RARB: variants seen among roughly 807,000 people sequenced by gnomAD.
RARB encodes HBV-activated protein.
RARB carries 17 observed loss-of-function variants against 51.9 expected under a neutral mutation model. That is an observed-to-expected ratio of 0.33 (90% confidence interval 0.22 to 0.49). The LOEUF (loss-of-function observed/expected upper bound fraction) is 0.49, where lower values mean the gene tolerates loss of function less well. RARB is among the 20% of genes least tolerant of loss of function. The pLI, the probability that RARB is intolerant of heterozygous loss-of-function variation, is 0.99. For missense variants in RARB, 369 were observed against 550.8 expected (o/e 0.67, Z 3.30); for synonymous variants, 215 against 195.4 (o/e 1.10, Z -0.84).
At chr3:25,289,088 C>A (rs922880570) in intron 5 of RARB, among the ~76,000 whole-genome samples, 2 of 152,206 alleles carry the variant, frequency 1.3e-5, no homozygotes, top group African/African-American at 4.8e-5. Context: ...AGCAGAGAAG[C>A]CTTTTCAGCT....
intron 5 of RARB, among the ~76,000 whole-genome samples, chr3:25,189,854 C>T (rs954817243): frequency 6.6e-5 from 10 of 152,096 alleles, no homozygotes; most frequent in South Asian, 4.1e-4. Context: ...TACTGCACTC[C>T]AGCCTGGATG....
intron 5 of RARB, among the ~76,000 whole-genome samples, chr3:25,316,436 A>G (rs949017357): frequency 1.3e-5 from 2 of 152,214 alleles, no homozygotes; most frequent in African/African-American, 4.8e-5. Flanking sequence ...AAGCCAAGTC[A>G]TCTAGTAGGA....
intron 2 of RARB, among the ~76,000 whole-genome samples, chr3:25,464,824 A>G (rs1695351068): frequency 6.6e-6 from 1 of 152,146 alleles, no homozygotes; most frequent in African/African-American, 2.4e-5. Context: ...ATTGTTTCAG[A>G]AAAATGGAAT....
Position 25,019,007 on chromosome 3 carries a change from A to T in RARB, c.-379-41118A>T, listed in dbSNP as rs897661044. ...ACATTTGTGATTGGCTTGAAATTAT[A>T]GCCTGTTTAAGCCATGAATAAAAAG... is the stretch of plus-strand genomic sequence containing the variant. On this transcript the variant is annotated intron_variant, in intron 2 of 11. Coordinates refer to the RARB transcript ENST00000383772. Among the ~76,000 whole-genome samples, 6 of 152,336 alleles carry T rather than the reference A, an allele frequency of 3.9e-5. No homozygotes were observed. In the East Asian group the frequency reaches 1.2e-3, roughly 29 times the overall value.
At chr3:25,009,754 C>T (rs549769787) in intron 2 of RARB, among the ~76,000 whole-genome samples, 1 of 152,164 alleles carries the variant, frequency 6.6e-6, no homozygotes, top group East Asian at 1.9e-4. Flanking sequence ...ATAAGCCTTC[C>T]AGAAGACTTA....
At chr3:24,865,162 T>G (rs1299438941) in intron 2 of RARB, among the ~76,000 whole-genome samples, 1 of 152,160 alleles carries the variant, frequency 6.6e-6, no homozygotes, top group Non-Finnish European at 1.5e-5. Flanking sequence ...AATAAAAGGT[T>G]GAGGACCACA....
chr3:25,348,942 A>G (rs1705477491), intron 5 of RARB, among the ~76,000 whole-genome samples: 1 of 152,210 alleles, frequency 6.6e-6, no homozygotes, highest in Non-Finnish European at 1.5e-5. Context: ...GAAACACTGC[A>G]GTAGAGCATC....
intron 3 of RARB, among the ~76,000 whole-genome samples, chr3:25,119,244 T>C (rs1392652189): frequency 6.6e-6 from 1 of 152,162 alleles, no homozygotes; most frequent in Non-Finnish European, 1.5e-5. Flanking sequence ...TTCTGTTCTA[T>C]GGTCATCTAC....
intron 3 of RARB, among the ~76,000 whole-genome samples, chr3:25,514,896 T>C (rs958226455): frequency 6.6e-6 from 1 of 152,216 alleles, no homozygotes; most frequent in African/African-American, 2.4e-5. Context: ...CCAGACACAA[T>C]GTTTGAGTAG....
intron 2 of RARB, among the ~76,000 whole-genome samples, chr3:24,964,467 T>C (rs1029776509): frequency 8.5e-5 from 13 of 152,290 alleles, no homozygotes; most frequent in African/African-American, 2.9e-4. Flanking sequence ...TAAGAGAACA[T>C]TTTTATCAAC....
intron 2 of RARB, among the ~76,000 whole-genome samples, chr3:24,897,035 G>A (rs1044510861): frequency 3.3e-5 from 5 of 152,192 alleles, no homozygotes; most frequent in African/African-American, 1.2e-4. Context: ...CTGGAAGTCA[G>A]AGGCTGTCTG....
At chr3:24,949,801 C>T (rs1695851169) in intron 2 of RARB, among the ~76,000 whole-genome samples, 1 of 152,142 alleles carries the variant, frequency 6.6e-6, no homozygotes. Context: ...CAGTTGGTTG[C>T]TTTCTGAATG....
chr3:25,316,151 G>T (rs1202717552), intron 5 of RARB, among the ~76,000 whole-genome samples: 1 of 151,896 alleles, frequency 6.6e-6, no homozygotes, highest in Non-Finnish European at 1.5e-5. Flanking sequence ...TTTTTATGAG[G>T]CACCTTGTTA....
chr3:25,127,667 AAAAGAAAC>A (rs951424280), intron 3 of RARB, among the ~76,000 whole-genome samples: 2 of 152,000 alleles, frequency 1.3e-5, no homozygotes, highest in African/African-American at 4.8e-5. Context: ...GGAGGGAGAG[AAAAGAAAC>A]GAAGGAGCGA....
rs113446086 is a variant in RARB, at chr3:25,253,789, T to G, written c.178+79214T>G. 7.2e-5 allele frequency among the ~76,000 whole-genome samples: 11 copies of G among 152,296 alleles called. 1 individual carries two copies. The highest frequency in any genetic ancestry group is 2.6e-4 in the African/African-American group (11 of 41,582). On this transcript the variant is annotated intron_variant, in intron 5 of 11. Transcript: ENST00000383772. Reference sequence around the variant, plus strand: ...TATAAAGGTTACATTATTTGAAGCGTACTAAAAGACCCCTTTCTTTTCCAT... The same window carrying G: ...TATAAAGGTTACATTATTTGAAGCGGACTAAAAGACCCCTTTCTTTTCCAT...
intron 5 of RARB, among the ~76,000 whole-genome samples, chr3:25,304,926 A>G (rs1704121407): frequency 6.6e-6 from 1 of 152,186 alleles, no homozygotes; most frequent in Admixed American, 6.5e-5. Flanking sequence ...AACAGCATTT[A>G]ACAAGTGTTT....
chr3:25,066,892 A>T (rs1157202148), intron 3 of RARB, among the ~76,000 whole-genome samples: 1 of 152,202 alleles, frequency 6.6e-6, no homozygotes, highest in African/African-American at 2.4e-5. Flanking sequence ...CTGGTCATGT[A>T]TTCACGGTGC....
intron 5 of RARB, among the ~76,000 whole-genome samples, chr3:25,271,812 A>G (rs1703264006): frequency 6.6e-6 from 1 of 152,222 alleles, no homozygotes. Context: ...TTTTCTAGTA[A>G]GGCTTTTTTA....
chr3:25,519,352 T>C (rs1207651408), intron 3 of RARB, among the ~76,000 whole-genome samples: 1 of 152,158 alleles, frequency 6.6e-6, no homozygotes, highest in African/African-American at 2.4e-5. Flanking sequence ...GTTTTCCAAG[T>C]GGTTATTCTA....
Sources: gnomAD v4.1 joint callset for allele counts (sites outside exome capture counted in the v4.1 genomes callset) on GRCh38, gnomAD v4.1.1 for gene constraint, MANE v1.5 for transcripts, NCBI Gene and HGNC (gene_info 2026-07-23, HGNC 2026-07-21) for gene names.